WWP1: variants seen among roughly 807,000 people sequenced by gnomAD.
WWP1 encodes the protein WW domain containing E3 ubiquitin protein ligase 1.
A neutral mutation model predicts 130.6 loss-of-function variants in WWP1; 49 were observed. The observed-to-expected ratio is 0.38, with a 90% CI of 0.30 to 0.48. The LOEUF (loss-of-function observed/expected upper bound fraction) is 0.48, where lower values mean the gene tolerates loss of function less well. Ranked by LOEUF, WWP1 falls within the 20% of genes least tolerant of loss-of-function variation. The pLI is 0.99. For synonymous variants in WWP1, 332 were observed against 367.8 expected, an observed-to-expected ratio of 0.90 and a Z score of 1.11; for missense variants, 809 against 1,100.6, an observed-to-expected ratio of 0.74 and a Z score of 3.75.
chr8:86,436,870 C>CT (rs546218392), intron 16 of WWP1, among the ~76,000 whole-genome samples: 50 of 152,026 alleles, frequency 3.3e-4, no homozygotes, highest in Admixed American at 7.2e-4. Context: ...TAATGATACT[C>CT]TGAGCCCCAA....
At chr8:86,368,518 T>C (rs1824102370) in intron 1 of WWP1, among the ~76,000 whole-genome samples, 1 of 152,196 alleles carries the variant, frequency 6.6e-6, no homozygotes, top group African/African-American at 2.4e-5. Context: ...GCTCACTATC[T>C]TAAATCTAAC....
chr8:86,428,626 C>T (rs1213284366), intron 11 of WWP1, among the ~76,000 whole-genome samples: 3 of 152,118 alleles, frequency 2.0e-5, no homozygotes, highest in Non-Finnish European at 4.4e-5. Context: ...AGTAAGTTCT[C>T]ATTTGCAGGT....
intron 14 of WWP1, among the ~76,000 whole-genome samples, chr8:86,433,709 C>T (rs1404961620): frequency 4.0e-5 from 6 of 151,568 alleles, no homozygotes; most frequent in African/African-American, 1.2e-4. Context: ...TTTGGGAGGC[C>T]GAGGCGGGCA....
intron 1 of WWP1, among the ~76,000 whole-genome samples, chr8:86,355,986 C>A (rs1458324526): frequency 6.6e-6 from 1 of 152,174 alleles, no homozygotes; most frequent in Non-Finnish European, 1.5e-5. Context: ...TGGCCCTGGG[C>A]AATTTACTTC....
At chr8:86,364,749 T>G (rs1358696860) in intron 1 of WWP1, among the ~76,000 whole-genome samples, 1 of 148,644 alleles carries the variant, frequency 6.7e-6, no homozygotes, top group Admixed American at 6.8e-5. Context: ...GACCCTACAG[T>G]GAGCCATGAT....
At chr8:86,387,713 G>T (rs1825369107) in intron 5 of WWP1, among the ~76,000 whole-genome samples, 1 of 151,980 alleles carries the variant, frequency 6.6e-6, no homozygotes, top group Non-Finnish European at 1.5e-5. Context: ...TGGTAGAGAT[G>T]GGGTTTCACC....
chr8:86,373,215 A>T (rs1378519479), intron 2 of WWP1, among the ~76,000 whole-genome samples: 3 of 152,002 alleles, frequency 2.0e-5, no homozygotes, highest in African/African-American at 7.2e-5. Flanking sequence ...GAAACTTAGA[A>T]CATTTTTTGA....
chr8:86,343,931 C>G (rs1822403789), intron 1 of WWP1, among the ~76,000 whole-genome samples: 1 of 151,292 alleles, frequency 6.6e-6, no homozygotes, highest in East Asian at 1.9e-4. Context: ...GGTGTTTTTA[C>G]CTGAAATAGT....
At chr8:86,355,296 C>T (rs1234527367) in intron 1 of WWP1, among the ~76,000 whole-genome samples, 1 of 152,116 alleles carries the variant, frequency 6.6e-6, no homozygotes, top group Non-Finnish European at 1.5e-5. Flanking sequence ...GTCTCATCAG[C>T]AGTTCTGGGT....
At chr8:86,429,656 G>C (rs1313926310) in intron 11 of WWP1, among the ~76,000 whole-genome samples, 1 of 152,108 alleles carries the variant, frequency 6.6e-6, no homozygotes, top group Non-Finnish European at 1.5e-5. Context: ...TTGAGTGTTA[G>C]TTTTATTAGT....
intron 9 of WWP1, among the ~76,000 whole-genome samples, chr8:86,418,817 A>G (rs1809033274): frequency 6.6e-6 from 1 of 152,140 alleles, no homozygotes; most frequent in Non-Finnish European, 1.5e-5. Context: ...TGTAAAGTAA[A>G]TTTTCAAATA....
intron 20 of WWP1, among the ~76,000 whole-genome samples, chr8:86,448,854 TAG>T (rs1811025483): frequency 1.3e-5 from 2 of 152,300 alleles, no homozygotes; most frequent in South Asian, 4.1e-4. Context: ...TTTTTGTTTT[TAG>T]AGAGAGTTTC....
chr8:86,428,126 T>G (rs1024386152), intron 11 of WWP1, among the ~76,000 whole-genome samples: 4 of 152,226 alleles, frequency 2.6e-5, no homozygotes, highest in Non-Finnish European at 5.9e-5. Context: ...ATTTTCAATC[T>G]TCCACTTTTA....
At position 86,393,309 on chromosome 8, in the gene WWP1, C is replaced by T. The variant is rs114984763; in HGVS notation, c.335-5033C>T. Among the ~76,000 whole-genome samples the T allele has an allele frequency of 1.0e-2, 1,514 of 152,106 alleles. 28 individuals are homozygous for T. The highest frequency in any genetic ancestry group is 0.035 in the African/African-American group (1,443 of 41,470). On this transcript the variant is annotated intron_variant, in intron 5 of 24. Coordinates refer to ENST00000517970, the MANE Select transcript of WWP1 (RefSeq NM_007013.4). ...GCAACCTCCATCTCCCGGGTTGAAGCGATTCTCCTTGCCTCAACCTCCCCT... is the reference window on the plus strand; with the variant it reads ...GCAACCTCCATCTCCCGGGTTGAAGTGATTCTCCTTGCCTCAACCTCCCCT...
At chr8:86,431,111 A>G (rs1809943352) in intron 12 of WWP1, among the ~76,000 whole-genome samples, 1 of 136,294 alleles carries the variant, frequency 7.3e-6, no homozygotes, top group African/African-American at 2.7e-5. Context: ...TATAATATAC[A>G]GAATATATAG....
intron 5 of WWP1, among the ~76,000 whole-genome samples, chr8:86,397,603 C>A (rs989213646): frequency 6.6e-6 from 1 of 152,088 alleles, no homozygotes; most frequent in African/African-American, 2.4e-5. Flanking sequence ...TTTCTCTAAG[C>A]CCTCACTAAT....
intron 5 of WWP1, among the ~76,000 whole-genome samples, chr8:86,390,479 G>T (rs570433524): frequency 6.6e-6 from 1 of 152,306 alleles, no homozygotes; most frequent in East Asian, 1.9e-4. Context: ...GATCACTCGC[G>T]GTCAGGAGCT....
chr8:86,365,748 A>G (rs1348684295), intron 1 of WWP1, among the ~76,000 whole-genome samples: 1 of 152,198 alleles, frequency 6.6e-6, no homozygotes, highest in Non-Finnish European at 1.5e-5. Flanking sequence ...GGATCACTTG[A>G]GGCCAGAGGT....
At chr8:86,349,568 G>A (rs75779400) in intron 1 of WWP1, among the ~76,000 whole-genome samples, 16 of 152,128 alleles carry the variant, frequency 1.1e-4, no homozygotes, top group East Asian at 7.7e-4. Flanking sequence ...ACTACTTTCC[G>A]CAAATCTGGA....
Sources: gnomAD v4.1 joint callset for allele counts (sites outside exome capture counted in the v4.1 genomes callset) on GRCh38, gnomAD v4.1.1 for gene constraint, MANE v1.5 for transcripts, NCBI Gene and HGNC (gene_info 2026-07-23, HGNC 2026-07-21) for gene names.